CCNI2: variants seen among roughly 807,000 people sequenced by gnomAD.
The protein encoded by CCNI2 is cyclin-I2.
CCNI2 carries 32 observed loss-of-function variants against 33.2 expected under a neutral mutation model. The observed-to-expected ratio is 0.96, with a 90% CI of 0.73 to 1.30. The LOEUF is 1.30. CCNI2 is among the 50% of genes most tolerant of loss of function. CCNI2 has a pLI of 0.00. For missense variants in CCNI2, 452 were observed against 486.2 expected (o/e 0.93, Z 0.66); for synonymous variants, 231 against 219.9 (o/e 1.05, Z -0.45).
Position 132,747,711 on chromosome 5 carries a change from A to G in CCNI2, c.216A>G (p.Ala72=). The change falls in exon 1 of 6, where the codon GCA becomes GCG. Residue 72 remains alanine (A), a synonymous_variant. Coordinates refer to ENST00000378731, the MANE Select transcript of CCNI2 (RefSeq NM_001039780.4). The surrounding 1 kb of genome is among the most constrained non-coding windows in gnomAD (Gnocchi z 4.1). The stretch of plus-strand genomic sequence containing the variant: ...CGGCCTCCCTCCACGCGGCGTCCGC[A>G]GCAGTCCCCGTGCGGCCCCGGCGCG... The part of the protein sequence containing the change: ...PGAASLHAAS[A]AVPVRPRRGT... 6.7e-7 allele frequency: 1 copy of G among 1,491,446 alleles called. No individual in the cohort carries two copies. Among genetic ancestry groups the G allele is most frequent in the Non-Finnish European group, 8.9e-7 (1 of 1,128,118 alleles). 92.4% of individuals were successfully genotyped at this position (1,491,446 alleles called of 1,614,324 possible).
downstream of CCNI2, chr5:132,754,406 G>A (rs781554812): frequency 4.2e-6 from 3 of 717,324 alleles, no homozygotes; most frequent in African/African-American, 1.7e-5. Context: ...CATCCTGAGG[G>A]CCCATACCAG....
rs376498063 is a variant in CCNI2 at position 132,752,988 on chromosome 5, C to T, written c.*18C>T. ...CCAACTAGCCCCTCTGCCTCCACCC[C>T]GGGGCTTTCAGAGCATAGTGTGAAA... On this transcript the variant is annotated 3_prime_UTR_variant, in exon 6 of 6. Transcript: ENST00000378731. 102 of 1,593,588 alleles carry T rather than the reference C, an allele frequency of 6.4e-5. No individual in the cohort carries two copies. Among genetic ancestry groups the T allele is most frequent in the Middle Eastern group, 1.8e-4 (1 of 5,702 alleles).
At position 132,747,641 on chromosome 5, in the gene CCNI2, C is replaced by T; in HGVS notation, c.146C>T (p.Pro49Leu). 6.6e-7 allele frequency: 1 copy of T among 1,504,082 alleles called. No individual in the cohort carries two copies. The highest frequency in any genetic ancestry group is 8.8e-7 in the Non-Finnish European group (1 of 1,133,346). 93.2% of individuals were successfully genotyped at this position (1,504,082 alleles called of 1,614,324 possible). Reference sequence around the variant, plus strand: ...CCGTCTCCGGGGGAGGCCCCTCTGCCCCGAAGCAACCGGAGCAGGTGCCCT... The same window carrying T: ...CCGTCTCCGGGGGAGGCCCCTCTGCTCCGAAGCAACCGGAGCAGGTGCCCT... ...LPPSPGEAPL[P>L]RSNRSRCPGT... The change falls in exon 1 of 6, where the codon CCC (proline) becomes CTC (leucine). Residue 49 changes from proline to leucine, a missense_variant. Transcript: ENST00000378731. This position sits in a 1 kb window ranked among gnomAD's most constrained non-coding sequence, Gnocchi z 4.1.
In CCNI2 at chr5:132,752,083, C is replaced by T; in HGVS notation, c.892C>T (p.Gln298Ter). 4 of 1,603,056 alleles carry T rather than the reference C, an allele frequency of 2.5e-6. No homozygotes were observed. Among genetic ancestry groups the T allele is most frequent in the Non-Finnish European group, 3.4e-6 (4 of 1,174,956 alleles). Residue 298 changes from glutamine (Q) to a stop codon, truncating the protein, a stop_gained, in exon 5 of 6, where the codon CAG becomes TAG. Transcript: ENST00000378731. LOFTEE classifies it high-confidence loss of function. ...RQLQHCMAGHQLLQFKGSTLA... is the reference protein window; with the variant it reads ...RQLQHCMAGH ...GCTGCAGCACTGTATGGCGGGCCAC[C>T]AGCTGCTGCAGTTCAAGGGCTCCAC...
At chr5:132,749,979 C>T (rs1754740413) in intron 3 of CCNI2, among the ~76,000 whole-genome samples, 3 of 152,100 alleles carry the variant, frequency 2.0e-5, no homozygotes, top group African/African-American at 7.2e-5. Flanking sequence ...AGATCATCTC[C>T]TAATACCCTT....
At chr5:132,756,027 GA>G (rs1554111601), downstream of CCNI2, 3 of 985,146 alleles carry the variant, frequency 3.0e-6, no homozygotes, top group Middle Eastern at 5.2e-4. Context: ...AAAATTTAAT[GA>G]AAAAAATAAG....
Position 132,747,896 on chromosome 5 carries a change from C to T in CCNI2, c.401C>T (p.Ala134Val). Residue 134 changes from alanine to valine, a missense_variant, in exon 1 of 6, where the codon GCG becomes GTG. By Grantham distance (64) the Ala-to-Val change is moderately conservative (BLOSUM62 0). Transcript: ENST00000378731. The surrounding 1 kb of genome is among the most constrained non-coding windows in gnomAD (Gnocchi z 4.1). Reference protein sequence around the residue: ...CHLQLAQDREARLWRGGKPQD... With the variant: ...CHLQLAQDREVRLWRGGKPQD... ...TTGCAGCTGGCCCAGGACCGCGAGG[C>T]GCGCCTGTGGCGGGGCGGCAAACCC... The T allele has an allele frequency of 1.4e-6, 2 of 1,401,838 alleles. No individual in the cohort carries two copies. Among genetic ancestry groups the T allele is most frequent in the Non-Finnish European group, 1.8e-6 (2 of 1,086,260 alleles). The allele number at this position is 1,401,838 out of a possible 1,614,324, so 86.8% of individuals were successfully genotyped here.
intron 2 of CCNI2, among the ~76,000 whole-genome samples, chr5:132,749,023 AGG>A (rs575339875): frequency 2.6e-4 from 40 of 152,332 alleles, no homozygotes; most frequent in African/African-American, 9.6e-4. Context: ...TGGGAGGCCA[AGG>A]GGTGTGGATC....
At chr5:132,750,003 A>C (rs577744778) in intron 3 of CCNI2, among the ~76,000 whole-genome samples, 25 of 151,846 alleles carry the variant, frequency 1.6e-4, no homozygotes, top group Non-Finnish European at 3.1e-4. Flanking sequence ...AAGCTTTCCT[A>C]CCTCCCTCCA....
rs1754646312 is a variant in CCNI2 at position 132,747,629 on chromosome 5, A to G, written c.134A>G (p.Glu45Gly). The part of the protein sequence containing the change: ...LGVPLPPSPG[E>G]APLPRSNRSR... ...GTTCCTCTCCCGCCGTCTCCGGGGG[A>G]GGCCCCTCTGCCCCGAAGCAACCGG... The change falls in exon 1 of 6, where the codon GAG becomes GGG. Residue 45 changes from glutamate (E) to glycine (G), a missense_variant. Coordinates refer to ENST00000378731, the MANE Select transcript of CCNI2 (RefSeq NM_001039780.4). The surrounding 1 kb of genome is among the most constrained non-coding windows in gnomAD (Gnocchi z 4.1). 3.3e-6 allele frequency: 5 copies of G among 1,501,252 alleles called. No individual in the cohort carries two copies. The highest frequency in any genetic ancestry group is 2.1e-5 in the Admixed American group (1 of 47,124). 93.0% of individuals were successfully genotyped at this position (1,501,252 alleles called of 1,614,324 possible). A position where few individuals can be genotyped will look rare whatever the true frequency, so the allele number is the denominator to read the frequency against.
At chr5:132,754,425 T>C (rs530080434), downstream of CCNI2, 187 of 717,448 alleles carry the variant, frequency 2.6e-4, 1 homozygote, top group East Asian at 4.9e-3. Context: ...AGTTTAGGCA[T>C]CCCAGGCTTT....
In CCNI2 at chr5:132,747,632, C is replaced by T. The variant is rs1007644149; in HGVS notation, c.137C>T (p.Ala46Val). Reference sequence around the variant, plus strand: ...CCTCTCCCGCCGTCTCCGGGGGAGGCCCCTCTGCCCCGAAGCAACCGGAGC... The same window carrying T: ...CCTCTCCCGCCGTCTCCGGGGGAGGTCCCTCTGCCCCGAAGCAACCGGAGC... ...GVPLPPSPGEAPLPRSNRSRC... is the reference protein window; with the variant it reads ...GVPLPPSPGEVPLPRSNRSRC... Residue 46 changes from alanine (A) to valine (V), a missense_variant, in exon 1 of 6, where the codon GCC (alanine) becomes GTC (valine). Transcript: ENST00000378731. The surrounding 1 kb of genome is among the most constrained non-coding windows in gnomAD (Gnocchi z 4.1). The T allele has an allele frequency of 6.7e-7, 1 of 1,500,988 alleles. No individual in the cohort carries two copies. The highest frequency in any genetic ancestry group is 8.8e-7 in the Non-Finnish European group (1 of 1,131,652). 93.0% of individuals were successfully genotyped at this position (1,500,988 alleles called of 1,614,324 possible).
rs1261306892 is a variant in CCNI2, at chr5:132,747,826, C to G, written c.331C>G (p.Arg111Gly). 6.8e-7 allele frequency: 1 copy of G among 1,481,096 alleles called. No homozygotes were observed. Among genetic ancestry groups the G allele is most frequent in the Non-Finnish European group, 8.9e-7 (1 of 1,123,574 alleles). The allele number at this position is 1,481,096 out of a possible 1,614,324, so 91.7% of individuals were successfully genotyped here. A position where few individuals can be genotyped will look rare whatever the true frequency, so the allele number is the denominator to read the frequency against. The change falls in exon 1 of 6, where the codon CGC becomes GGC. Residue 111 changes from arginine to glycine, a missense_variant. Arg to Gly is a moderately radical substitution (Grantham distance 125). Coordinates refer to ENST00000378731, the MANE Select transcript of CCNI2 (RefSeq NM_001039780.4). The surrounding 1 kb of genome is among the most constrained non-coding windows in gnomAD (Gnocchi z 4.1). ...PRPAPQSRKPRNLEGDLDERR... is the reference protein window; with the variant it reads ...PRPAPQSRKPGNLEGDLDERR... ...GCCGGCTCCACAGTCCCGCAAGCCG[C>G]GCAACCTGGAAGGCGACCTGGACGA...
At chr5:132,751,868 T>A in intron 4 of CCNI2, 98 bp from the exon 5 acceptor site, 16 of 1,379,862 alleles carry the variant, frequency 1.2e-5, no homozygotes, top group Non-Finnish European at 1.6e-5. Flanking sequence ...CAACATTTGA[T>A]GTTCCCTGAT....
In CCNI2 at chr5:132,750,773, T is replaced by C; in HGVS notation, c.634-84T>C. 4.9e-6 allele frequency: 7 copies of C among 1,426,808 alleles called. No homozygotes were observed. In the South Asian group the frequency reaches 8.1e-5, roughly 16 times the overall value. 88.4% of individuals were successfully genotyped at this position (1,426,808 alleles called of 1,614,324 possible). On this transcript the variant is annotated intron_variant, in intron 3 of 5. Coordinates refer to ENST00000378731, the MANE Select transcript of CCNI2 (RefSeq NM_001039780.4). ...CAGGAAGACAACTCCACTAAGGTCA[T>C]GAATGCCCAGTCCCCATGGGTAAGA...
chr5:132,747,691 T>TC lies in CCNI2; in HGVS notation c.199dup (p.Leu67ProfsTer79), dbSNP rs1244728837. The TC allele has an allele frequency of 6.7e-7, 1 of 1,498,230 alleles. No individual in the cohort carries two copies. The highest frequency in any genetic ancestry group is 8.8e-7 in the Non-Finnish European group (1 of 1,131,198). 92.8% of individuals were successfully genotyped at this position (1,498,230 alleles called of 1,614,324 possible). On this transcript the variant is annotated frameshift_variant, in exon 1 of 6. Transcript: ENST00000378731. LOFTEE classifies it high-confidence loss of function. This position sits in a 1 kb window ranked among gnomAD's most constrained non-coding sequence, Gnocchi z 4.1. ...TGGGACCCGCCAGCCCGGAGCGGCC[T>TC]CCCTCCACGCGGCGTCCGCAGCAGT... is the stretch of plus-strand genomic sequence containing the variant.
Position 132,747,922 on chromosome 5 carries a change from C to T in CCNI2, c.427C>T (p.Gln143Ter), listed in dbSNP as rs1754658543. 7.3e-6 allele frequency: 10 copies of T among 1,378,410 alleles called. No individual in the cohort carries two copies. The highest frequency in any genetic ancestry group is 4.8e-4 in the Middle Eastern group (2 of 4,132). 85.4% of individuals were successfully genotyped at this position (1,378,410 alleles called of 1,614,324 possible). ...GCGCCTGTGGCGGGGCGGCAAACCC[C>T]AGGTACCCGTCGCTGCCGCGTGGCC... ...EARLWRGGKP[Q>*]DEICDAFEEV... Residue 143 changes from glutamine to a stop codon, truncating the protein, a stop_gained and splice_region_variant, in exon 1 of 6, where the codon CAG becomes TAG. Coordinates refer to ENST00000378731, the MANE Select transcript of CCNI2 (RefSeq NM_001039780.4). LOFTEE classifies it high-confidence loss of function. The surrounding 1 kb of genome is among the most constrained non-coding windows in gnomAD (Gnocchi z 4.1).
At chr5:132,749,552 C>T (rs1470034287) in intron 3 of CCNI2, 130 bp downstream of exon 3, 7 of 719,666 alleles carry the variant, frequency 9.7e-6, no homozygotes, top group South Asian at 5.0e-5. Flanking sequence ...ACCAACTTGC[C>T]GGCATCTCTG....
chr5:132,749,906 G>A (rs986527718), intron 3 of CCNI2, among the ~76,000 whole-genome samples: 1 of 152,050 alleles, frequency 6.6e-6, no homozygotes, highest in Non-Finnish European at 1.5e-5. Context: ...AAGTACAAGG[G>A]GCCCATGAGC....
Sources: allele counts gnomAD v4.1 joint callset (sites outside exome capture counted in the v4.1 genomes callset), GRCh38; gene constraint gnomAD v4.1.1; non-coding constraint Gnocchi (gnomAD v3.1); transcripts MANE v1.5; gene names NCBI Gene and HGNC (gene_info 2026-07-23, HGNC 2026-07-21).